Variants in ABCG2 observed in about 807,000 individuals in gnomAD.
The protein encoded by ABCG2 is broad substrate specificity ATP-binding cassette transporter ABCG2.
ABCG2 carries 80 observed loss-of-function variants against 73.5 expected under a neutral mutation model. The observed-to-expected ratio is 1.09, with a 90% CI of 0.91 to 1.31. The LOEUF (loss-of-function observed/expected upper bound fraction) is 1.31, where lower values mean the gene tolerates loss of function less well. Ranked by LOEUF, ABCG2 falls within the 50% of genes most tolerant of loss-of-function variation. ABCG2 has a pLI of 0.00. For missense variants in ABCG2, 796 were observed against 786.2 expected, an observed-to-expected ratio of 1.01 and a Z score of -0.15; for synonymous variants, 269 against 282.4, an observed-to-expected ratio of 0.95 and a Z score of 0.48.
chr4:88,222,686 G>A (rs895455735), intron 1 of ABCG2, among the ~76,000 whole-genome samples: 21 of 152,316 alleles, frequency 1.4e-4, no homozygotes, highest in Admixed American at 1.1e-3. Context: ...CAGCATGGAA[G>A]GGAAATGTGG....
chr4:88,174,480 T>G (rs568773982), intron 1 of ABCG2, among the ~76,000 whole-genome samples: 1 of 152,274 alleles, frequency 6.6e-6, no homozygotes, highest in East Asian at 1.9e-4. Flanking sequence ...TTCATCCATG[T>G]CCCTCCAAAG....
chr4:88,170,424 G>A (rs538123966), intron 1 of ABCG2, among the ~76,000 whole-genome samples: 21 of 152,318 alleles, frequency 1.4e-4, no homozygotes, highest in Admixed American at 5.9e-4. Flanking sequence ...CTTCCCAGCC[G>A]GAGATGACTT....
rs1208831440 is a variant in ABCG2 at position 88,094,669 on chromosome 4, A to G, written c.1738-10T>C. Reference sequence around the variant, plus strand: ...CATTATGCTGCAAAGCCTATAACACAAGTGGGAGCAGGGCAAGGTAAACAG... The same window carrying G: ...CATTATGCTGCAAAGCCTATAACACGAGTGGGAGCAGGGCAAGGTAAACAG... On this transcript the variant is annotated splice_polypyrimidine_tract_variant and intron_variant, in intron 14 of 15. Coordinates refer to ENST00000237612, the MANE Select transcript of ABCG2 (RefSeq NM_004827.3). The G allele has an allele frequency of 6.2e-7, 1 of 1,607,476 alleles. No homozygotes were observed. The highest frequency in any genetic ancestry group is 8.5e-7 in the Non-Finnish European group (1 of 1,174,022).
At chr4:88,121,936 G>GA in intron 5 of ABCG2, 144 bp from the exon 6 acceptor site, 2 of 767,368 alleles carry the variant, frequency 2.6e-6, no homozygotes, top group Non-Finnish European at 4.1e-6. Context: ...ATACCTGGTA[G>GA]AAAAAGTAGG....
chr4:88,177,756 T>C (rs1037771119), intron 1 of ABCG2, among the ~76,000 whole-genome samples: 1 of 152,102 alleles, frequency 6.6e-6, no homozygotes, highest in African/African-American at 2.4e-5. Flanking sequence ...GAGAGAAATC[T>C]GTGTGTTGGG....
chr4:88,157,379 C>T (rs1021234863), intron 1 of ABCG2, among the ~76,000 whole-genome samples: 2 of 152,036 alleles, frequency 1.3e-5, no homozygotes, highest in African/African-American at 2.4e-5. Flanking sequence ...TCGATTGGAT[C>T]CTGGGCAGAA....
chr4:88,104,296 G>A (rs1722628638), intron 10 of ABCG2, among the ~76,000 whole-genome samples: 1 of 152,150 alleles, frequency 6.6e-6, no homozygotes, highest in African/African-American at 2.4e-5. Flanking sequence ...CCAAAGAAGA[G>A]AACTAAACCA....
intron 9 of ABCG2, among the ~76,000 whole-genome samples, chr4:88,109,001 A>ATTT (rs35911715): frequency 7.8e-5 from 11 of 140,904 alleles, no homozygotes; most frequent in Admixed American, 1.4e-4. Context: ...TCAATTCAGG[A>ATTT]TTTTTTTTTT....
intron 1 of ABCG2, among the ~76,000 whole-genome samples, chr4:88,151,603 T>C (rs1726485605): frequency 6.6e-6 from 1 of 151,792 alleles, no homozygotes; most frequent in African/African-American, 2.4e-5. Flanking sequence ...CTGGGCGTGG[T>C]GGAGGGGCGC....
At chr4:88,153,210 C>T (rs557043221) in intron 1 of ABCG2, among the ~76,000 whole-genome samples, 3 of 53,146 alleles carry the variant, frequency 5.6e-5, no homozygotes, top group African/African-American at 8.1e-5. Context: ...ACAGTGTAAA[C>T]CGGCAGTGTA....
At chr4:88,101,414 TA>T in intron 10 of ABCG2, 95 bp from the exon 11 acceptor site, 1 of 1,137,818 alleles carries the variant, frequency 8.8e-7, no homozygotes, top group Non-Finnish European at 1.3e-6. Context: ...TGACAGTGTA[TA>T]AAGTTAAGCA....
intron 1 of ABCG2, among the ~76,000 whole-genome samples, chr4:88,172,923 T>C (rs934462202): frequency 2.6e-5 from 4 of 152,202 alleles, no homozygotes; most frequent in African/African-American, 9.7e-5. Context: ...AGGTCATAAA[T>C]AGCATTGTAG....
At chr4:88,173,987 C>T (rs539202274) in intron 1 of ABCG2, among the ~76,000 whole-genome samples, 31 of 152,226 alleles carry the variant, frequency 2.0e-4, no homozygotes, top group Middle Eastern at 6.8e-3. Flanking sequence ...CTTATTTCCC[C>T]CTTACAGTTT....
chr4:88,158,869 C>T, upstream of ABCG2: 1 of 335,518 alleles, frequency 3.0e-6, no homozygotes, highest in South Asian at 2.2e-5. Flanking sequence ...CACGAACTTC[C>T]TAAGCCGCGC....
intron 1 of ABCG2, among the ~76,000 whole-genome samples, chr4:88,227,578 G>T (rs372426802): frequency 2.0e-5 from 3 of 152,064 alleles, no homozygotes; most frequent in Non-Finnish European, 1.5e-5. Flanking sequence ...CAATTCCCAC[G>T]CCTGGGGCCT....
intron 1 of ABCG2, among the ~76,000 whole-genome samples, chr4:88,168,360 G>A (rs543893841): frequency 9.9e-5 from 15 of 152,050 alleles, no homozygotes; most frequent in Non-Finnish European, 1.6e-4. Context: ...GGTGGCATGC[G>A]CCTGTAGTCC....
chr4:88,136,152 C>G (rs1725229762), intron 2 of ABCG2, among the ~76,000 whole-genome samples: 1 of 152,108 alleles, frequency 6.6e-6, no homozygotes, highest in Admixed American at 6.5e-5. Context: ...CACTGCTCCC[C>G]CAGCTCTTCT....
chr4:88,154,705 C>A (rs561582670), intron 1 of ABCG2, among the ~76,000 whole-genome samples: 1 of 151,936 alleles, frequency 6.6e-6, no homozygotes. Context: ...TGTGGGAGGC[C>A]GGATTGAAGT....
At chr4:88,125,632 A>AAAAAG (rs1724355977) in intron 5 of ABCG2, among the ~76,000 whole-genome samples, 4 of 149,670 alleles carry the variant, frequency 2.7e-5, no homozygotes, top group Non-Finnish European at 4.5e-5. Flanking sequence ...AAAAAAAAAA[A>AAAAAG]AAAACTGTAG....
Sources: gnomAD v4.1 joint callset for allele counts (sites outside exome capture counted in the v4.1 genomes callset) on GRCh38, gnomAD v4.1.1 for gene constraint, MANE v1.5 for transcripts, NCBI Gene and HGNC (gene_info 2026-07-23, HGNC 2026-07-21) for gene names.